The following VSIG1 variants were observed in gnomAD, a reference collection of about 807,000 sequenced individuals.
VSIG1 encodes V-set and immunoglobulin domain-containing protein 1.
Under a neutral mutation model 20.1 loss-of-function variants are expected in VSIG1, and 11 were observed. The ratio of observed to expected loss-of-function variants is 0.55; its 90% CI spans 0.34 to 0.91. The LOEUF is 0.91. Ranked by LOEUF, VSIG1 falls within the 40% of genes least tolerant of loss-of-function variation. VSIG1 has a pLI of 0.02. For synonymous variants in VSIG1, 126 were observed against 116.7 expected (o/e 1.08, Z -0.52); for missense variants, 283 against 298.8 (o/e 0.95, Z 0.39).
intron 1 of VSIG1, among the ~76,000 whole-genome samples, chrX:108,050,257 T>C (rs1470512374): frequency 8.9e-6 from 1 of 112,277 alleles, no homozygotes; most frequent in African/African-American, 3.2e-5. Context: ...ATGAAATAAA[T>C]AAGTCTTTGG....
chrX:108,072,712 A>C lies in VSIG1; in HGVS notation c.448A>C (p.Arg150=). The change falls in exon 4 of 7, where the codon AGA becomes CGA. Residue 150 remains arginine, a synonymous_variant. Coordinates refer to ENST00000217957, the MANE Select transcript of VSIG1 (RefSeq NM_182607.5). ...TAAGCCCCTTTGTAGCGTTCAAGGA[A>C]GACCAGAAACTGGCCACACTATTTC... ...PSKPLCSVQG[R]PETGHTISLS... The C allele has an allele frequency of 8.3e-7, 1 of 1,211,623 alleles. No individual in the cohort carries two copies. Among genetic ancestry groups the C allele is most frequent in the South Asian group, 1.8e-5 (1 of 56,974 alleles).
the VSIG1 span, among the ~76,000 whole-genome samples, chrX:108,022,698 A>G: frequency 8.9e-6 from 1 of 111,997 alleles, no homozygotes; most frequent in African/African-American, 3.3e-5. Flanking sequence ...GATGCCTGAA[A>G]TAGCTTTGAT....
chrX:108,047,945 T>TATATACAC (rs1569287361), intron 1 of VSIG1, among the ~76,000 whole-genome samples: 2,797 of 36,859 alleles, frequency 0.076, 460 homozygotes, highest in Non-Finnish European at 0.097. Flanking sequence ...CACATATATA[T>TATATACAC]ATATATATAC....
intron 2 of VSIG1, among the ~76,000 whole-genome samples, chrX:108,059,975 G>A (rs887101322): frequency 7.2e-5 from 8 of 111,556 alleles, no homozygotes; most frequent in Non-Finnish European, 1.5e-4. Flanking sequence ...GGATTTACAA[G>A]GCTACCTCTT....
rs959060688 is a variant in VSIG1 at position 108,049,039 on chromosome X, T to A, written c.49+3860T>A. Among the ~76,000 whole-genome samples the A allele has an allele frequency of 2.7e-5, 3 of 112,289 alleles. No homozygotes were observed. In the Admixed American group the frequency reaches 2.8e-4, roughly 11 times the overall value. On this transcript the variant is annotated intron_variant, in intron 1 of 6. Transcript: ENST00000217957. ...GGTTGGACAATGTCTGAAAAACATC[T>A]TTTCTTCAGAATTTAATTGGTTATG...
chrX:108,020,102 C>A, the VSIG1 span, among the ~76,000 whole-genome samples: 2 of 112,272 alleles, frequency 1.8e-5, no homozygotes, highest in Non-Finnish European at 3.8e-5. Flanking sequence ...TTTGGTTTTT[C>A]CTAGTGGAGG....
At chrX:108,051,595 T>G (rs2030786457) in intron 1 of VSIG1, among the ~76,000 whole-genome samples, 1 of 111,391 alleles carries the variant, frequency 9.0e-6, no homozygotes, top group Non-Finnish European at 1.9e-5. Flanking sequence ...CAATCAAAAA[T>G]CATCTGTCAT....
At chrX:108,027,448 G>A in the VSIG1 span, among the ~76,000 whole-genome samples, 2 of 111,988 alleles carry the variant, frequency 1.8e-5, no homozygotes, top group Non-Finnish European at 3.8e-5. Flanking sequence ...TACATAAAAT[G>A]TTCAGAATAA....
intron 3 of VSIG1, among the ~76,000 whole-genome samples, chrX:108,071,892 C>CAAAAAA (rs1203449181): frequency 3.5e-3 from 127 of 36,236 alleles, no homozygotes; most frequent in Non-Finnish European, 5.1e-3. Context: ...TGAACAAATG[C>CAAAAAA]AAAAAAAAAA....
At chrX:108,028,895 A>G in the VSIG1 span, among the ~76,000 whole-genome samples, 3 of 111,800 alleles carry the variant, frequency 2.7e-5, no homozygotes, top group Non-Finnish European at 5.7e-5. Context: ...GGAATTAATG[A>G]TGGAGAGTGT....
intron 1 of VSIG1, among the ~76,000 whole-genome samples, chrX:108,057,019 A>T (rs2030914264): frequency 1.8e-5 from 2 of 112,291 alleles, no homozygotes; most frequent in African/African-American, 6.5e-5. Flanking sequence ...TGGTTAAACA[A>T]ACTGTATTAC....
chrX:108,054,669 AT>A (rs745892120), intron 1 of VSIG1, among the ~76,000 whole-genome samples: 8 of 111,001 alleles, frequency 7.2e-5, no homozygotes, highest in Non-Finnish European at 1.3e-4. Context: ...GCAGAAAAGT[AT>A]CTAAACACGT....
chrX:108,034,868 A>G, the VSIG1 span, among the ~76,000 whole-genome samples: 1 of 111,774 alleles, frequency 8.9e-6, no homozygotes, highest in Non-Finnish European at 1.9e-5. Flanking sequence ...TCACTAGGCT[A>G]TGCTGCCTCT....
chrX:108,068,625 C>A (rs2031180442), intron 3 of VSIG1, among the ~76,000 whole-genome samples: 1 of 111,490 alleles, frequency 9.0e-6, no homozygotes, highest in South Asian at 3.8e-4. Context: ...AGCACTCATT[C>A]ACTATCACAA....
intron 2 of VSIG1, chrX:108,061,566 T>C: frequency 9.0e-7 from 1 of 1,107,485 alleles, no homozygotes; most frequent in Non-Finnish European, 1.2e-6. Flanking sequence ...ACTACTGGAC[T>C]TCTTCATTGT....
the VSIG1 span, among the ~76,000 whole-genome samples, chrX:108,037,844 C>A: frequency 2.7e-5 from 3 of 111,584 alleles, no homozygotes; most frequent in Admixed American, 2.8e-4. Context: ...GGTGGTGAAG[C>A]AAATAATAAG....
At chrX:108,055,540 A>C (rs1040061714) in intron 1 of VSIG1, among the ~76,000 whole-genome samples, 1 of 111,651 alleles carries the variant, frequency 9.0e-6, no homozygotes, top group Non-Finnish European at 1.9e-5. Flanking sequence ...TCTCTCATGA[A>C]CTTTGACACA....
the VSIG1 span, among the ~76,000 whole-genome samples, chrX:108,020,075 G>T: frequency 4.8e-4 from 54 of 112,230 alleles, no homozygotes; most frequent in Admixed American, 9.4e-4. Flanking sequence ...TTCAAAGTGT[G>T]ATTATCTACT....
chrX:108,045,415 G>GA (rs755789993), intron 1 of VSIG1, among the ~76,000 whole-genome samples: 112 of 111,769 alleles, frequency 1.0e-3, no homozygotes, highest in African/African-American at 3.5e-3. Context: ...AATTTTCTCA[G>GA]AAAAAAATAT....
Sources: allele counts gnomAD v4.1 joint callset (sites outside exome capture counted in the v4.1 genomes callset), GRCh38; gene constraint gnomAD v4.1.1; transcripts MANE v1.5; gene names NCBI Gene and HGNC (gene_info 2026-07-23, HGNC 2026-07-21).